The following LRP8 variants were observed in gnomAD, a reference collection of about 807,000 sequenced individuals.
LRP8 encodes the protein LDL receptor related protein 8.
Under a neutral mutation model 111.6 loss-of-function variants are expected in LRP8, and 46 were observed. The observed-to-expected ratio is 0.41, with a 90% CI of 0.33 to 0.53. LRP8 has a LOEUF of 0.53. LRP8 is among the 20% of genes least tolerant of loss of function. The probability of loss-of-function intolerance (pLI) is 0.20; values close to 1 mark genes in which losing one functional copy is unlikely to be tolerated. For synonymous variants in LRP8, 464 were observed against 511.2 expected, an observed-to-expected ratio of 0.91 and a Z score of 1.24; for missense variants, 959 against 1,297.4, an observed-to-expected ratio of 0.74 and a Z score of 4.01.
Position 53,277,015 on chromosome 1 carries a change from T to C in LRP8, c.560A>G (p.Asp187Gly). ...GCCGTCACCACAGTCGTCGTCGCCGTCGCACACGAACACGGCGGCCAGGCA... is the reference window on the plus strand; with the variant it reads ...GCCGTCACCACAGTCGTCGTCGCCGCCGCACACGAACACGGCGGCCAGGCA... The part of the protein sequence containing the change: ...RSCLAAVFVC[D>G]GDDDCGDGSD... Residue 187 changes from aspartate (D) to glycine (G), a missense_variant, in exon 5 of 19, where the codon GAC becomes GGC. Asp to Gly is a moderately conservative substitution (Grantham distance 94). Coordinates refer to ENST00000306052, the MANE Select transcript of LRP8 (RefSeq NM_004631.5). 1.3e-6 allele frequency: 2 copies of C among 1,519,708 alleles called. No individual in the cohort carries two copies. Among genetic ancestry groups the C allele is most frequent in the Non-Finnish European group, 1.8e-6 (2 of 1,137,994 alleles). The allele number at this position is 1,519,708 out of a possible 1,614,324, so 94.1% of individuals were successfully genotyped here.
intron 3 of LRP8, among the ~76,000 whole-genome samples, chr1:53,281,937 T>C (rs1647126332): frequency 6.6e-6 from 1 of 152,240 alleles, no homozygotes; most frequent in Non-Finnish European, 1.5e-5. Flanking sequence ...AGGCACTAAG[T>C]TCTGGTCACA....
intron 8 of LRP8, among the ~76,000 whole-genome samples, chr1:53,270,666 T>C (rs1646730428): frequency 6.6e-6 from 1 of 152,182 alleles, no homozygotes; most frequent in Non-Finnish European, 1.5e-5. Context: ...TGCAGAACTC[T>C]TAGGGCTGCC....
At position 53,285,104 on chromosome 1, in the gene LRP8, G is replaced by A. The variant is rs1016402798; in HGVS notation, c.368-4389C>T. Among the ~76,000 whole-genome samples, 3 of 152,186 alleles carry A rather than the reference G, an allele frequency of 2.0e-5. No homozygotes were observed. The East Asian group carries it at 5.8e-4, about 29-fold the overall frequency. On this transcript the variant is annotated intron_variant, in intron 3 of 18. Coordinates refer to ENST00000306052, the MANE Select transcript of LRP8 (RefSeq NM_004631.5). ...GACACATGGTATCACCCTATGAAGT[G>A]GATATTCTTACCTCCATTTTATGAA... is the stretch of plus-strand genomic sequence containing the variant.
chr1:53,315,965 T>A (rs565608833), intron 2 of LRP8, among the ~76,000 whole-genome samples: 145 of 150,236 alleles, frequency 9.7e-4, no homozygotes, highest in African/African-American at 3.5e-3. Context: ...CAAGGCATGG[T>A]GGGGGAGGTG....
At position 53,275,517 on chromosome 1, in the gene LRP8, G is replaced by C; in HGVS notation, c.1006+114C>G. The stretch of plus-strand genomic sequence containing the variant: ...TTTAGGGGCAAGTGATGCTCTGGGG[G>C]AAAATGCATCTTGGGGACCAAGGGG... On this transcript the variant is annotated intron_variant, in intron 6 of 18. Transcript: ENST00000306052. The surrounding 1 kb of genome is among the most constrained non-coding windows in gnomAD (Gnocchi z 4.4). The C allele has an allele frequency of 7.1e-7, 1 of 1,406,572 alleles. No homozygotes were observed. The allele number at this position is 1,406,572 out of a possible 1,614,324, so 87.1% of individuals were successfully genotyped here.
intron 18 of LRP8, among the ~76,000 whole-genome samples, chr1:53,248,509 T>C (rs1311788850): frequency 6.6e-6 from 1 of 152,238 alleles, no homozygotes; most frequent in Non-Finnish European, 1.5e-5. Context: ...ATATACAGAC[T>C]GGAGTTTGAA....
rs975369837 is a variant in LRP8, at chr1:53,262,496, C to T, written c.1724G>A (p.Arg575Gln). ...IEKSGLNGVD[R>Q]QTLVSDNIEW... Reference sequence around the variant, plus strand: ...AATATTGTCTGACACCAGTGTTTGCCGGTCCACACCGTTGAGCCCAGATTT... The same window carrying T: ...AATATTGTCTGACACCAGTGTTTGCTGGTCCACACCGTTGAGCCCAGATTT... The change falls in exon 11 of 19, where the codon CGG becomes CAG. Residue 575 changes from arginine to glutamine, a missense_variant. Physicochemically the swap from Arg to Gln is conservative, Grantham distance 43 (BLOSUM62 1). Transcript: ENST00000306052. This position sits in a 1 kb window ranked among gnomAD's most constrained non-coding sequence, Gnocchi z 4.8. 34 of 1,614,070 alleles carry T rather than the reference C, an allele frequency of 2.1e-5. No homozygotes were observed. Among genetic ancestry groups the T allele is most frequent in the Non-Finnish European group, 2.6e-5 (31 of 1,180,040 alleles).
At chr1:53,290,247 C>A (rs1222301575) in intron 2 of LRP8, among the ~76,000 whole-genome samples, 5 of 152,190 alleles carry the variant, frequency 3.3e-5, no homozygotes, top group Non-Finnish European at 7.3e-5. Context: ...CCGGTGCCTA[C>A]AGCCTGCAGG....
Position 53,266,485 on chromosome 1 carries a change from C to G in LRP8, c.1415G>C (p.Arg472Pro). Residue 472 changes from arginine to proline, a missense_variant, in exon 9 of 19, where the codon CGT (arginine) becomes CCT (proline). Arg to Pro is a moderately radical substitution (Grantham distance 103). Around this residue, in one of 3 missense-constraint regions of LRP8, gnomAD observed 819 missense variants for 1,097.6 expected, o/e 0.75. Transcript: ENST00000306052. The surrounding 1 kb of genome is among the most constrained non-coding windows in gnomAD (Gnocchi z 5.0). ...NRIYWCDLSYRKIYSAYMDKA... is the reference protein window; with the variant it reads ...NRIYWCDLSYPKIYSAYMDKA... ...TATGGCCGCTCACCTATAGATCTTACGGTAGGAGAGGTCACACCAGTAGAT... is the reference window on the plus strand; with the variant it reads ...TATGGCCGCTCACCTATAGATCTTAGGGTAGGAGAGGTCACACCAGTAGAT... The G allele has an allele frequency of 6.2e-7, 1 of 1,614,122 alleles. No homozygotes were observed. The highest frequency in any genetic ancestry group is 1.3e-5 in the African/African-American group (1 of 75,052).
chr1:53,249,838 C>T lies in LRP8; in HGVS notation c.2677-282G>A, dbSNP rs527673587. On this transcript the variant is annotated intron_variant, in intron 17 of 18. Coordinates refer to ENST00000306052, the MANE Select transcript of LRP8 (RefSeq NM_004631.5). This position sits in a 1 kb window ranked among gnomAD's most constrained non-coding sequence, Gnocchi z 4.1. ...ATTCCCCAGACAGAATTAATAGCTCCCTTGTTGATGTTTCCATGGCATCTG... is the reference window on the plus strand; with the variant it reads ...ATTCCCCAGACAGAATTAATAGCTCTCTTGTTGATGTTTCCATGGCATCTG... Among the ~76,000 whole-genome samples, 2 of 152,312 alleles carry T rather than the reference C, an allele frequency of 1.3e-5. No homozygotes were observed. Among genetic ancestry groups the T allele is most frequent in the South Asian group, 4.1e-4 (2 of 4,830 alleles).
At chr1:53,314,735 G>T (rs1254359224) in intron 2 of LRP8, among the ~76,000 whole-genome samples, 3 of 152,182 alleles carry the variant, frequency 2.0e-5, no homozygotes, top group African/African-American at 7.2e-5. Context: ...AGGCTGCTGA[G>T]GAAACTCCTG....
chr1:53,260,917 C>T (rs776741603), intron 12 of LRP8, among the ~76,000 whole-genome samples: 17 of 152,192 alleles, frequency 1.1e-4, no homozygotes, highest in Non-Finnish European at 2.4e-4. Flanking sequence ...ATAGCATTAT[C>T]ATTACTGGGG....
intron 3 of LRP8, among the ~76,000 whole-genome samples, chr1:53,282,748 C>T (rs1026236895): frequency 1.3e-5 from 2 of 152,192 alleles, no homozygotes; most frequent in African/African-American, 2.4e-5. Flanking sequence ...GATTCCCATG[C>T]ACCTCTATTT....
In LRP8 at chr1:53,308,669, G is replaced by A. The variant is rs563840327; in HGVS notation, c.244+18204C>T. On this transcript the variant is annotated intron_variant, in intron 2 of 18. Coordinates refer to ENST00000306052, the MANE Select transcript of LRP8 (RefSeq NM_004631.5). ...TTGCCTGCTGATTCCCTGCTCATGT[G>A]GGAGGTGAGAGGCCCAAGGAGGGCT... 4.9e-4 allele frequency among the ~76,000 whole-genome samples: 74 copies of A among 152,296 alleles called. 1 individual carries two copies. The highest frequency in any genetic ancestry group is 4.2e-3 in the Admixed American group (65 of 15,308).
Position 53,303,231 on chromosome 1 carries a change from C to A in LRP8, c.245-13542G>T, listed in dbSNP as rs868076068. Among the ~76,000 whole-genome samples, 1 of 152,264 alleles carries A rather than the reference C, an allele frequency of 6.6e-6. No individual in the cohort carries two copies. Among genetic ancestry groups the A allele is most frequent in the East Asian group, 1.9e-4 (1 of 5,186 alleles). On this transcript the variant is annotated intron_variant, in intron 2 of 18. Transcript: ENST00000306052. This position sits in a 1 kb window ranked among gnomAD's most constrained non-coding sequence, Gnocchi z 4.3. Reference sequence around the variant, plus strand: ...CCTCCCCGTTCGAATGGGAGAGGGCCGGGGGCAGACAGGCAAGGGGCATGG... The same window carrying A: ...CCTCCCCGTTCGAATGGGAGAGGGCAGGGGGCAGACAGGCAAGGGGCATGG...
intron 5 of LRP8, 38 bp downstream of exon 5, chr1:53,276,654 A>G: frequency 2.7e-6 from 4 of 1,458,012 alleles, no homozygotes; most frequent in Non-Finnish European, 3.6e-6. Flanking sequence ...CGGATCCGCA[A>G]TCCCTGGGCG....
At chr1:53,313,756 C>G (rs1288478) in intron 2 of LRP8, among the ~76,000 whole-genome samples, 58,739 of 151,964 alleles carry the variant, frequency 0.39, 12,593 homozygotes, top group African/African-American at 0.58. Flanking sequence ...GGAGAGGAGA[C>G]AGGTACATGT....
chr1:53,264,222 G>C lies in LRP8; in HGVS notation c.1602C>G (p.Leu534=), dbSNP rs1437580649. 2 of 1,614,152 alleles carry C rather than the reference G, an allele frequency of 1.2e-6. No individual in the cohort carries two copies. Among genetic ancestry groups the C allele is most frequent in the South Asian group, 1.1e-5 (1 of 91,076 alleles). Residue 534 remains leucine, a synonymous_variant, in exon 10 of 19, where the codon CTC becomes CTG. Coordinates refer to ENST00000306052, the MANE Select transcript of LRP8 (RefSeq NM_004631.5). ...ATVDGGRRRT[L]FSRNLSEPRA... ...GGGGTTCACTGAGGTTACGGCTGAA[G>C]AGAGTGCGTCGGCGGCCACCATCAA... is the stretch of plus-strand genomic sequence containing the variant.
chr1:53,258,354 A>G lies in LRP8; in HGVS notation c.2174T>C (p.Met725Thr). 1 of 1,614,140 alleles carries G rather than the reference A, an allele frequency of 6.2e-7. No homozygotes were observed. Among genetic ancestry groups the G allele is most frequent in the Non-Finnish European group, 8.5e-7 (1 of 1,180,008 alleles). The change falls in exon 14 of 19, where the codon ATG (methionine) becomes ACG (threonine). Residue 725 changes from methionine to threonine, a missense_variant. Transcript: ENST00000306052. ...PKYTCACPDT[M>T]WLGPDMKRCY... is the part of the protein sequence containing the mutation. Reference sequence around the variant, plus strand: ...CCTCTTCATGTCTGGACCCAGCCACATTGTGTCAGGACAGGCACATGTGTA... The same window carrying G: ...CCTCTTCATGTCTGGACCCAGCCACGTTGTGTCAGGACAGGCACATGTGTA...
Sources: gnomAD v4.1 joint callset for allele counts (sites outside exome capture counted in the v4.1 genomes callset) on GRCh38, gnomAD v4.1.1 for gene constraint, gnomAD v4.1.1 regional missense constraint, Gnocchi (gnomAD v3.1) non-coding constraint, MANE v1.5 for transcripts, NCBI Gene and HGNC (gene_info 2026-07-23, HGNC 2026-07-21) for gene names.